Variants in METTL2A observed in about 807,000 individuals in gnomAD.
The protein encoded by METTL2A is methyltransferase 2A, tRNA N3-cytidine, also known as tRNA N(3)-cytidine methyltransferase METTL2A.
A neutral mutation model predicts 49.4 loss-of-function variants in METTL2A; 45 were observed. The observed-to-expected ratio is 0.91, with a 90% CI of 0.72 to 1.17. METTL2A has a LOEUF of 1.17. Ranked by LOEUF, METTL2A falls within the 50% of genes most tolerant of loss-of-function variation. The probability of loss-of-function intolerance (pLI) is 0.00; values close to 1 mark genes in which losing one functional copy is unlikely to be tolerated. For missense variants in METTL2A, 361 were observed against 462.2 expected (o/e 0.78, Z 2.01); for synonymous variants, 118 against 167.5 (o/e 0.70, Z 2.28).
chr17:62,448,209 T>A (rs1364103741), intron 8 of METTL2A, among the ~76,000 whole-genome samples: 1 of 152,212 alleles, frequency 6.6e-6, no homozygotes, highest in Non-Finnish European at 1.5e-5. Flanking sequence ...AAATTCTCCG[T>A]TCCTGGGCCC....
At chr17:62,446,019 G>A (rs981932843) in intron 7 of METTL2A, among the ~76,000 whole-genome samples, 4 of 152,180 alleles carry the variant, frequency 2.6e-5, no homozygotes, top group South Asian at 2.1e-4. Context: ...TATTTAGTCA[G>A]TTCACAGAAG....
At chr17:62,444,967 A>G (rs2070759522) in intron 7 of METTL2A, 24 bp downstream of exon 7, 2 of 1,610,798 alleles carry the variant, frequency 1.2e-6, no homozygotes, top group Non-Finnish European at 1.7e-6. Flanking sequence ...GCTGAATCCT[A>G]ACCACTAGAG....
chr17:62,447,959 G>A (rs1413001666), intron 8 of METTL2A, among the ~76,000 whole-genome samples, 193 bp downstream of exon 8: 1 of 152,178 alleles, frequency 6.6e-6, no homozygotes, highest in Non-Finnish European at 1.5e-5. Flanking sequence ...GGGGCCCCCA[G>A]GCAGCCCTGG....
In METTL2A at chr17:62,449,430, G is replaced by A. The variant is rs892512857; in HGVS notation, c.*701G>A. ...TGGTCTTCGCTTTAATCTTAGTTCC[G>A]CCAGGCACGGTGGCTCACACCTGTA... On this transcript the variant is annotated 3_prime_UTR_variant, in exon 9 of 9. Coordinates refer to ENST00000311506, the MANE Select transcript of METTL2A (RefSeq NM_181725.4). 68 of 451,020 alleles carry A rather than the reference G, an allele frequency of 1.5e-4. No homozygotes were observed. The highest frequency in any genetic ancestry group is 1.4e-3 in the Middle Eastern group (2 of 1,466). The allele number at this position is 451,020 out of a possible 1,614,324, so 27.9% of individuals were successfully genotyped here. A position where few individuals can be genotyped will look rare whatever the true frequency, so the allele number is the denominator to read the frequency against.
Position 62,449,723 on chromosome 17 carries a change from TA to T in METTL2A, c.*1004del, listed in dbSNP as rs543885405. The T allele has an allele frequency of 3.3e-3, 535 of 160,028 alleles. 4 individuals carry two copies. Among genetic ancestry groups the T allele is most frequent in the African/African-American group, 0.012 (458 of 39,016 alleles). The allele number at this position is 160,028 out of a possible 1,614,324, so 9.9% of individuals were successfully genotyped here. On this transcript the variant is annotated 3_prime_UTR_variant, in exon 9 of 9. Transcript: ENST00000311506. ...AGACTCTGTCTCAAAAAAATAAAAA[TA>T]AAAAAAAAATCTTAGTTCCATGGAA...
Position 62,452,011 on chromosome 17 carries a change from G to T in METTL2A, c.*3282G>T, listed in dbSNP as rs1292685045. 6.6e-6 allele frequency among the ~76,000 whole-genome samples: 1 copy of T among 152,162 alleles called. No homozygotes were observed. The highest frequency in any genetic ancestry group is 2.4e-5 in the African/African-American group (1 of 41,442). ...GGAGGCGGAGGTTGCGGTGAGCCGA[G>T]ATCGCGCCATTGCACTCCAGCCTGG... is the stretch of plus-strand genomic sequence containing the variant. On this transcript the variant is annotated 3_prime_UTR_variant, in exon 9 of 9. Coordinates refer to ENST00000311506, the MANE Select transcript of METTL2A (RefSeq NM_181725.4).
chr17:62,430,499 A>C (rs1241767197), intron 4 of METTL2A, among the ~76,000 whole-genome samples: 2 of 152,286 alleles, frequency 1.3e-5, no homozygotes, highest in African/African-American at 4.8e-5. Flanking sequence ...CCTCTACAAG[A>C]GTGTGCCCTA....
chr17:62,431,971 G>A (rs1434951206), intron 4 of METTL2A, among the ~76,000 whole-genome samples: 5 of 151,958 alleles, frequency 3.3e-5, no homozygotes, highest in Admixed American at 1.3e-4. Context: ...TGCCTGCCTC[G>A]GCCTGCCAAA....
intron 3 of METTL2A, 81 bp downstream of exon 3, chr17:62,426,735 C>T (rs1167581209): frequency 9.8e-7 from 1 of 1,015,332 alleles, no homozygotes; most frequent in Non-Finnish European, 1.4e-6. Context: ...AGGCTGACAA[C>T]AAAAGTAACT....
In METTL2A at chr17:62,448,577, G is replaced by A. The variant is rs758062059; in HGVS notation, c.985G>A (p.Glu329Lys). The A allele has an allele frequency of 2.3e-5, 37 of 1,613,898 alleles. No individual in the cohort carries two copies. In the South Asian group the frequency reaches 4.0e-4, roughly 17 times the overall value. ...ACATCTTTTATTTTCCACACTAGAG[G>A]AACTGGACACGCTTTTCACCACTGC... ...GTRVYFFTQEELDTLFTTAGL... is the reference protein window; with the variant it reads ...GTRVYFFTQEKLDTLFTTAGL... Residue 329 changes from glutamate to lysine, a missense_variant and splice_region_variant, in exon 9 of 9, where the codon GAA becomes AAA. Glu to Lys is a moderately conservative substitution (Grantham distance 56). Transcript: ENST00000311506.
At chr17:62,435,016 T>C in intron 4 of METTL2A, 1 of 573,952 alleles carries the variant, frequency 1.7e-6, no homozygotes, top group Non-Finnish European at 2.9e-6. Flanking sequence ...CTGGTTGTTT[T>C]ATAAACTTCA....
chr17:62,431,145 G>A (rs867794676), intron 4 of METTL2A, among the ~76,000 whole-genome samples: 1 of 151,940 alleles, frequency 6.6e-6, no homozygotes, highest in Non-Finnish European at 1.5e-5. Context: ...GATTACAGGT[G>A]TGAGCCACTG....
chr17:62,430,121 C>T (rs2144138498), intron 4 of METTL2A, among the ~76,000 whole-genome samples: 1 of 152,316 alleles, frequency 6.6e-6, no homozygotes, highest in African/African-American at 2.4e-5. Context: ...ACATTAGCCT[C>T]ATTACTAATA....
intron 4 of METTL2A, among the ~76,000 whole-genome samples, chr17:62,428,763 A>G (rs961235829): frequency 1.4e-4 from 21 of 152,176 alleles, no homozygotes; most frequent in African/African-American, 4.8e-4. Flanking sequence ...GGATGTGTTC[A>G]CCAACCTGGA....
rs2070806894 is a variant in METTL2A at position 62,451,713 on chromosome 17, G to T, written c.*2984G>T. Among the ~76,000 whole-genome samples, 3 of 151,988 alleles carry T rather than the reference G, an allele frequency of 2.0e-5. No individual in the cohort carries two copies. The South Asian group carries it at 6.2e-4, about 32-fold the overall frequency. On this transcript the variant is annotated 3_prime_UTR_variant, in exon 9 of 9. Coordinates refer to ENST00000311506, the MANE Select transcript of METTL2A (RefSeq NM_181725.4). ...TGGAGACCAGCCTGACCAACATGGA[G>T]AAACCCCGTCTCTACTAAAAATACA...
intron 4 of METTL2A, among the ~76,000 whole-genome samples, chr17:62,428,171 CCTT>C (rs538928454): frequency 1.9e-4 from 29 of 152,214 alleles, no homozygotes; most frequent in East Asian, 7.7e-4. Context: ...ACATTTAGCG[CCTT>C]CTTCTTCTTC....
intron 3 of METTL2A, among the ~76,000 whole-genome samples, 168 bp downstream of exon 3, chr17:62,426,822 C>T (rs978480321): frequency 6.6e-6 from 1 of 152,116 alleles, no homozygotes; most frequent in Non-Finnish European, 1.5e-5. Flanking sequence ...GATAAAATGC[C>T]CTCAATGCAG....
At chr17:62,447,652 C>CA in intron 7 of METTL2A, 49 bp from the exon 8 acceptor site, 1 of 1,606,378 alleles carries the variant, frequency 6.2e-7, no homozygotes. Flanking sequence ...CAATGCGAGT[C>CA]AAAGAAGTGC....
chr17:62,448,063 G>A (rs1300814585), intron 8 of METTL2A, among the ~76,000 whole-genome samples: 2 of 152,186 alleles, frequency 1.3e-5, no homozygotes, highest in African/African-American at 4.8e-5. Context: ...CTCCAGTCCA[G>A]CCTGTTTCAC....
Sources: gnomAD v4.1 joint callset for allele counts (sites outside exome capture counted in the v4.1 genomes callset) on GRCh38, gnomAD v4.1.1 for gene constraint, MANE v1.5 for transcripts, NCBI Gene and HGNC (gene_info 2026-07-23, HGNC 2026-07-21) for gene names.